Variants in NHSL3 observed in about 807,000 individuals in gnomAD.
The protein encoded by NHSL3 is NHS like 3.
chr1:32,772,415 A>G, the NHSL3 span: 1 of 1,532,790 alleles, frequency 6.5e-7, no homozygotes, highest in Non-Finnish European at 8.8e-7. Context: ...GTGGGCCCAG[A>G]GGAGAAGATG....
At chr1:32,753,491 A>T in the NHSL3 span, among the ~76,000 whole-genome samples, 1 of 150,976 alleles carries the variant, frequency 6.6e-6, no homozygotes, top group African/African-American at 2.5e-5. Flanking sequence ...TCAAAAAAAT[A>T]AAAAAAATAA....
the NHSL3 span, among the ~76,000 whole-genome samples, chr1:32,760,240 G>A: frequency 6.6e-6 from 1 of 152,150 alleles, no homozygotes; most frequent in Non-Finnish European, 1.5e-5. Flanking sequence ...CACCTGGACA[G>A]CTGTGCCCTC....
the NHSL3 span, among the ~76,000 whole-genome samples, chr1:32,752,956 T>TACACACACACACAC: frequency 2.4e-4 from 1 of 4,094 alleles, no homozygotes; most frequent in African/African-American, 3.9e-4. Flanking sequence ...CACACATATA[T>TACACACACACACAC]ATATATATAT....
At chr1:32,770,647 T>C in the NHSL3 span, 1 of 1,522,112 alleles carries the variant, frequency 6.6e-7, no homozygotes, top group Non-Finnish European at 8.8e-7. The surrounding 1 kb of genome is among the most constrained non-coding windows in gnomAD (Gnocchi z 8.3). Context: ...CCGGAGTGTG[T>C]CCCTGCGTAA....
At chr1:32,766,903 G>A in the NHSL3 span, among the ~76,000 whole-genome samples, 1 of 152,142 alleles carries the variant, frequency 6.6e-6, no homozygotes, top group African/African-American at 2.4e-5. Flanking sequence ...ACAGGGGCCA[G>A]GGCCAGGGCC....
chr1:32,768,710 A>C, the NHSL3 span: 1 of 1,614,136 alleles, frequency 6.2e-7, no homozygotes, highest in Non-Finnish European at 8.5e-7. Context: ...ACCACATCCT[A>C]CGTGGCTGAG....
At chr1:32,743,419 AGGGTGCTGGGGCTG>A in the NHSL3 span, among the ~76,000 whole-genome samples, 1 of 151,866 alleles carries the variant, frequency 6.6e-6, no homozygotes, top group Non-Finnish European at 1.5e-5. Flanking sequence ...CATAGAAGTG[AGGGTGCTGGGGCTG>A]GGGTGACTGG....
chr1:32,771,404 C>T, the NHSL3 span: 3 of 1,588,336 alleles, frequency 1.9e-6, no homozygotes, highest in South Asian at 2.3e-5. Flanking sequence ...CCACCCCCAC[C>T]ACCCACTAAG....
the NHSL3 span, chr1:32,768,625 C>T: frequency 1.9e-6 from 3 of 1,613,138 alleles, no homozygotes; most frequent in South Asian, 2.2e-5. Flanking sequence ...GAGACAGCCC[C>T]ACCCAGATCT....
chr1:32,742,367 T>C, the NHSL3 span, among the ~76,000 whole-genome samples: 1 of 152,304 alleles, frequency 6.6e-6, no homozygotes, highest in Non-Finnish European at 1.5e-5. Context: ...CCTTCCGCAG[T>C]TTCCAGACCC....
chr1:32,771,254 T>C, the NHSL3 span: 1 of 1,612,832 alleles, frequency 6.2e-7, no homozygotes, highest in Non-Finnish European at 8.5e-7. Context: ...GCCCCTGCTG[T>C]GGTTCCTGGG....
chr1:32,748,451 C>T, the NHSL3 span, among the ~76,000 whole-genome samples: 1 of 152,056 alleles, frequency 6.6e-6, no homozygotes, highest in Admixed American at 6.6e-5. Flanking sequence ...GTCTGTTTGC[C>T]CGTCAGTCAA....
chr1:32,741,970 C>G, the NHSL3 span: 5 of 1,124,458 alleles, frequency 4.4e-6, no homozygotes, highest in African/African-American at 6.6e-5. The surrounding 1 kb of genome is among the most constrained non-coding windows in gnomAD (Gnocchi z 4.3). Flanking sequence ...GGCCCGCGCG[C>G]CCCCCGCCGC....
chr1:32,757,871 T>C, the NHSL3 span, among the ~76,000 whole-genome samples: 3,981 of 152,278 alleles, frequency 0.026, 67 homozygotes, highest in Non-Finnish European at 0.039. Context: ...CTGCACGTCC[T>C]CTGGGCAGAG....
the NHSL3 span, among the ~76,000 whole-genome samples, chr1:32,750,633 G>A: frequency 1.3e-5 from 2 of 148,404 alleles, no homozygotes; most frequent in Non-Finnish European, 3.0e-5. Flanking sequence ...TCAGCCTCCC[G>A]AGTAGCTGGG....
At chr1:32,762,322 A>C in the NHSL3 span, among the ~76,000 whole-genome samples, 1 of 152,284 alleles carries the variant, frequency 6.6e-6, no homozygotes, top group African/African-American at 2.4e-5. Context: ...ATGCTATGAC[A>C]GAGAGGTGTC....
chr1:32,768,055 C>G, the NHSL3 span: 5 of 1,613,882 alleles, frequency 3.1e-6, no homozygotes, highest in Non-Finnish European at 4.2e-6. Context: ...CTTCTGGTGT[C>G]TTCCAGAGAA....
chr1:32,741,901 T>A, the NHSL3 span: 3 of 225,392 alleles, frequency 1.3e-5, no homozygotes, highest in Non-Finnish European at 2.2e-5. This position sits in a 1 kb window ranked among gnomAD's most constrained non-coding sequence, Gnocchi z 4.3. Flanking sequence ...GCCCCCGGCA[T>A]GGGCACCGCG....
At chr1:32,757,643 G>C in the NHSL3 span, among the ~76,000 whole-genome samples, 1 of 152,184 alleles carries the variant, frequency 6.6e-6, no homozygotes, top group African/African-American at 2.4e-5. Flanking sequence ...CTTTACATCA[G>C]TTAATTCATT....
Sources: allele counts gnomAD v4.1 joint callset (sites outside exome capture counted in the v4.1 genomes callset), GRCh38; gene constraint gnomAD v4.1.1; non-coding constraint Gnocchi (gnomAD v3.1); transcripts MANE v1.5; gene names NCBI Gene and HGNC (gene_info 2026-07-23, HGNC 2026-07-21).